Variants in NOP14 observed in about 807,000 individuals in gnomAD.
NOP14 encodes nucleolar protein 14.
Under a neutral mutation model 101.6 loss-of-function variants are expected in NOP14, and 57 were observed. The ratio of observed to expected loss-of-function variants is 0.56; its 90% confidence interval spans 0.45 to 0.70. The LOEUF is 0.70. NOP14 is among the 30% of genes least tolerant of loss of function. NOP14 has a pLI of 0.00. For missense variants in NOP14, 1,134 were observed against 1,075.5 expected, an observed-to-expected ratio of 1.05 and a Z score of -0.76; for synonymous variants, 428 against 424.0, an observed-to-expected ratio of 1.01 and a Z score of -0.12.
chr4:2,953,505 T>C lies in NOP14; in HGVS notation c.747+6A>G. ...TGAAGAGTTTGTTTCAGTACTTGGC[T>C]CCCACCTTGGGTTTTTCCTTTTTGT... On this transcript the variant is annotated splice_donor_region_variant and intron_variant, in intron 5 of 17. Transcript: ENST00000416614. The C allele has an allele frequency of 6.2e-7, 1 of 1,613,980 alleles. No individual in the cohort carries two copies. Among genetic ancestry groups the C allele is most frequent in the Non-Finnish European group, 8.5e-7 (1 of 1,179,974 alleles).
At chr4:2,948,451 A>AT in intron 8 of NOP14, 43 bp from the exon 9 acceptor site, 1 of 1,418,522 alleles carries the variant, frequency 7.0e-7, no homozygotes, top group Non-Finnish European at 9.4e-7. Flanking sequence ...ACATTTATAT[A>AT]TATGTATATA....
At chr4:2,962,396 T>C (rs898564382) in intron 1 of NOP14, among the ~76,000 whole-genome samples, 11 of 152,176 alleles carry the variant, frequency 7.2e-5, no homozygotes, top group African/African-American at 2.7e-4. Context: ...TGTGTTTTGA[T>C]TCAAAGACCA....
chr4:2,953,838 C>A (rs1200984734), intron 4 of NOP14, among the ~76,000 whole-genome samples, 193 bp from the exon 5 acceptor site: 1 of 152,172 alleles, frequency 6.6e-6, no homozygotes, highest in Non-Finnish European at 1.5e-5. Flanking sequence ...GAAATCTTTT[C>A]CTGCCATAAA....
At chr4:2,939,501 C>T in intron 16 of NOP14, 26 bp downstream of exon 16, 1 of 1,601,358 alleles carries the variant, frequency 6.2e-7, no homozygotes, top group Non-Finnish European at 8.6e-7. Flanking sequence ...GCCCTGGCCT[C>T]CCAGGGAGAT....
At chr4:2,962,705 T>C (rs1409062952) in intron 1 of NOP14, among the ~76,000 whole-genome samples, 1 of 151,020 alleles carries the variant, frequency 6.6e-6, no homozygotes, top group Non-Finnish European at 1.5e-5. Context: ...TGAGTTTCCA[T>C]AGAGTTACTT....
chr4:2,959,375 G>A (rs546592242), intron 1 of NOP14, among the ~76,000 whole-genome samples: 80 of 152,206 alleles, frequency 5.3e-4, no homozygotes, highest in Admixed American at 1.6e-3. Context: ...GGCGGATCAC[G>A]AGGTTAGAAG....
intron 13 of NOP14, among the ~76,000 whole-genome samples, chr4:2,943,802 G>A (rs935029451): frequency 2.6e-5 from 4 of 152,154 alleles, no homozygotes; most frequent in East Asian, 3.9e-4. Context: ...CTAAGTCTTC[G>A]CCACTTGGGC....
rs963073237 is a variant in NOP14 at position 2,957,475 on chromosome 4, G to T, written c.330+131C>A. On this transcript the variant is annotated intron_variant, in intron 2 of 17. Coordinates refer to ENST00000416614, the MANE Select transcript of NOP14 (RefSeq NM_001291978.2). ...TTTGGCCTAGCCAGATAAGGCACAG[G>T]ATTCGAGGGCTATCCCCTGGACCTT... 3.8e-6 allele frequency: 4 copies of T among 1,062,214 alleles called. No homozygotes were observed. The Admixed American group carries it at 6.8e-5, about 18-fold the overall frequency. 65.8% of individuals were successfully genotyped at this position (1,062,214 alleles called of 1,614,324 possible).
chr4:2,949,682 G>A (rs541414252), intron 8 of NOP14, among the ~76,000 whole-genome samples: 4 of 152,290 alleles, frequency 2.6e-5, no homozygotes, highest in East Asian at 3.9e-4. Flanking sequence ...TAAAAGGGAG[G>A]TGAAGGTACC....
At chr4:2,945,498 T>C (rs1714557672) in intron 11 of NOP14, among the ~76,000 whole-genome samples, 1 of 151,990 alleles carries the variant, frequency 6.6e-6, no homozygotes, top group Non-Finnish European at 1.5e-5. Context: ...TTTTGGGGAG[T>C]TGATTAAAAA....
At chr4:2,956,523 C>T in intron 3 of NOP14, 147 bp downstream of exon 3, 1 of 752,376 alleles carries the variant, frequency 1.3e-6, no homozygotes, top group Non-Finnish European at 2.0e-6. Flanking sequence ...AAAACTGTCA[C>T]TTGTGAAATT....
At chr4:2,962,974 G>A (rs1716213726) in intron 1 of NOP14, 151 bp downstream of exon 1, 8 of 745,580 alleles carry the variant, frequency 1.1e-5, no homozygotes, top group Non-Finnish European at 1.6e-5. Flanking sequence ...GAGAACAGCA[G>A]AGGCTTTCGG....
In NOP14 at chr4:2,939,734, G is replaced by A. The variant is rs112501676; in HGVS notation, c.2200-89C>T. 1.2e-4 allele frequency: 113 copies of A among 981,844 alleles called. 2 individuals are homozygous for A. The highest frequency in any genetic ancestry group is 7.1e-4 in the African/African-American group (45 of 63,168). 60.8% of individuals were successfully genotyped at this position (981,844 alleles called of 1,614,324 possible). On this transcript the variant is annotated intron_variant, in intron 15 of 17. Coordinates refer to ENST00000416614, the MANE Select transcript of NOP14 (RefSeq NM_001291978.2). Reference sequence around the variant, plus strand: ...ACGGGTTCTGTGGTGTCAAGGCAGCGTGAGGACAGTGCTGCGAGCTCCCTG... The same window carrying A: ...ACGGGTTCTGTGGTGTCAAGGCAGCATGAGGACAGTGCTGCGAGCTCCCTG...
At chr4:2,944,052 A>G (rs1435079240) in intron 13 of NOP14, 21 bp downstream of exon 13, 2 of 1,582,522 alleles carry the variant, frequency 1.3e-6, no homozygotes, top group African/African-American at 1.4e-5. Context: ...ATTTGTAGGA[A>G]CCTCCCTCAA....
intron 8 of NOP14, among the ~76,000 whole-genome samples, chr4:2,949,177 C>T (rs887562056): frequency 3.9e-5 from 6 of 152,146 alleles, no homozygotes; most frequent in South Asian, 2.1e-4. Flanking sequence ...CAGAATAATT[C>T]GGCATTGCTT....
rs1713875658 is a variant in NOP14 at position 2,938,677 on chromosome 4, T to C, written c.*154A>G. 1.6e-6 allele frequency: 1 copy of C among 624,198 alleles called. No individual in the cohort carries two copies. The highest frequency in any genetic ancestry group is 2.0e-5 in the South Asian group (1 of 49,334). The allele number at this position is 624,198 out of a possible 1,614,324, so 38.7% of individuals were successfully genotyped here. A position where few individuals can be genotyped will look rare whatever the true frequency, so the allele number is the denominator to read the frequency against. On this transcript the variant is annotated 3_prime_UTR_variant, in exon 18 of 18. Coordinates refer to ENST00000416614, the MANE Select transcript of NOP14 (RefSeq NM_001291978.2). ...CGTGCCACCACACTTGGCTAATTTT[T>C]ATGTTTTTTTGGTAGAGACGGGGTC...
intron 9 of NOP14, 40 bp downstream of exon 9, chr4:2,948,238 C>A: frequency 6.4e-7 from 1 of 1,556,110 alleles, no homozygotes; most frequent in Non-Finnish European, 8.6e-7. Context: ...CGGGGCTATG[C>A]TGACACTCCC....
intron 1 of NOP14, among the ~76,000 whole-genome samples, chr4:2,959,244 C>A (rs1417506723): frequency 6.6e-6 from 1 of 152,184 alleles, no homozygotes; most frequent in Non-Finnish European, 1.5e-5. Flanking sequence ...AGTTATTAAT[C>A]CCTAGTAACT....
intron 13 of NOP14, 34 bp downstream of exon 13, chr4:2,944,039 C>T (rs1553861572): frequency 3.8e-6 from 6 of 1,559,178 alleles, no homozygotes; most frequent in Non-Finnish European, 5.2e-6. Context: ...TAAAGTATAA[C>T]ATATTTGTAG....
Sources: allele counts gnomAD v4.1 joint callset (sites outside exome capture counted in the v4.1 genomes callset), GRCh38; gene constraint gnomAD v4.1.1; transcripts MANE v1.5; gene names NCBI Gene and HGNC (gene_info 2026-07-23, HGNC 2026-07-21).